Variants in CCDC9 observed in about 807,000 individuals in gnomAD.
CCDC9 encodes coiled-coil domain containing 9, also known as coiled-coil domain-containing protein 9.
Under a neutral mutation model 65.6 loss-of-function variants are expected in CCDC9, and 52 were observed. That is an observed-to-expected ratio of 0.79 (90% CI 0.63 to 1.00). The LOEUF is 1.00. Among genes scored for constraint, CCDC9 ranks in the 50% least tolerant of loss-of-function variants. The probability of loss-of-function intolerance (pLI) is 0.00; values close to 1 mark genes in which losing one functional copy is unlikely to be tolerated. For missense variants in CCDC9, 834 were observed against 757.2 expected (o/e 1.10, Z -1.19); for synonymous variants, 332 against 280.3 (o/e 1.18, Z -1.84).
chr19:47,275,060 C>T (rs2059148828), downstream of CCDC9: 2 of 1,494,744 alleles, frequency 1.3e-6, no homozygotes, highest in African/African-American at 1.5e-5. Context: ...CCGTGCTGCT[C>T]GCCGTGTACT....
At chr19:47,269,012 A>G (rs1193373067) in intron 8 of CCDC9, among the ~76,000 whole-genome samples, 2 of 152,038 alleles carry the variant, frequency 1.3e-5, no homozygotes, top group African/African-American at 4.8e-5. Context: ...TTAGGAGGCC[A>G]AGGCTGGAGG....
downstream of CCDC9, chr19:47,273,981 T>G: frequency 2.0e-6 from 2 of 984,902 alleles, no homozygotes; most frequent in Non-Finnish European, 2.4e-6. Flanking sequence ...CCCGAATTCC[T>G]GAAGACGCTG....
At position 47,271,526 on chromosome 19, in the gene CCDC9, G is replaced by C; in HGVS notation, c.1444G>C (p.Ala482Pro). 6.2e-7 allele frequency: 1 copy of C among 1,612,938 alleles called. No individual in the cohort carries two copies. Among genetic ancestry groups the C allele is most frequent in the Non-Finnish European group, 8.5e-7 (1 of 1,179,850 alleles). Residue 482 changes from alanine to proline, a missense_variant, in exon 12 of 12, where the codon GCC becomes CCC. By Grantham distance (27) the Ala-to-Pro change is conservative. Coordinates refer to ENST00000221922, the MANE Select transcript of CCDC9 (RefSeq NM_015603.3). ...SPEEPLLEPQ[A>P]PGTPSSPFSP... ...GGAGGAGCCCCTGCTGGAGCCCCAGGCCCCTGGCACGCCTTCCAGCCCTTT... is the reference window on the plus strand; with the variant it reads ...GGAGGAGCCCCTGCTGGAGCCCCAGCCCCCTGGCACGCCTTCCAGCCCTTT...
chr19:47,272,143 G>A (rs934945574), downstream of CCDC9: 56 of 1,236,556 alleles, frequency 4.5e-5, no homozygotes, highest in Non-Finnish European at 5.4e-5. Flanking sequence ...TGAAGAGGAA[G>A]GGTCTGAGGC....
intron 2 of CCDC9, 45 bp downstream of exon 2, chr19:47,258,448 G>A: frequency 2.5e-6 from 4 of 1,613,568 alleles, no homozygotes; most frequent in Non-Finnish European, 3.4e-6. Flanking sequence ...TTTTGGGGAA[G>A]GGGGCTTGGG....
chr19:47,270,452 T>C lies in CCDC9; in HGVS notation c.948T>C (p.Tyr316=), dbSNP rs376597834. The C allele has an allele frequency of 2.2e-5, 36 of 1,614,042 alleles. No individual in the cohort carries two copies. The African/African-American group carries it at 4.0e-4, about 18-fold the overall frequency. The change falls in exon 9 of 12, where the codon TAT becomes TAC. Residue 316 remains tyrosine, a splice_region_variant and synonymous_variant. Coordinates refer to ENST00000221922, the MANE Select transcript of CCDC9 (RefSeq NM_015603.3). ...CTGCCCATGAACCATCCCACCGCTA[T>C]GGTGAGTGGGTGCCCTTGGATGAGC... ...PVPAHEPSHR[Y]DDQAWARPPK...
chr19:47,264,716 G>T, intron 6 of CCDC9, 30 bp downstream of exon 6: 1 of 1,601,934 alleles, frequency 6.2e-7, no homozygotes, highest in East Asian at 2.3e-5. Context: ...CCGAGGCAGG[G>T]CCGAGCTGCC....
downstream of CCDC9, chr19:47,274,742 T>C: frequency 5.0e-6 from 1 of 200,502 alleles, no homozygotes; most frequent in Non-Finnish European, 7.4e-6. Context: ...GGGCGGAGGC[T>C]GGAGGGGGTG....
chr19:47,270,625 C>T lies in CCDC9; in HGVS notation c.1022C>T (p.Ala341Val), dbSNP rs1444824028. The change falls in exon 10 of 12, where the codon GCC (alanine) becomes GTC (valine). Residue 341 changes from alanine to valine, a missense_variant. Coordinates refer to ENST00000221922, the MANE Select transcript of CCDC9 (RefSeq NM_015603.3). ...TTCCTGTCCCAGCACAAAGCTGAGG[C>T]CAGCAGCCGCAGAAGGAGAAAGAGC... ...GEFLSQHKAEASSRRRRKSSR... is the reference protein window; with the variant it reads ...GEFLSQHKAEVSSRRRRKSSR... 1 of 1,612,956 alleles carries T rather than the reference C, an allele frequency of 6.2e-7. No homozygotes were observed. Among genetic ancestry groups the T allele is most frequent in the Non-Finnish European group, 8.5e-7 (1 of 1,180,014 alleles).
At chr19:47,275,468 G>A, downstream of CCDC9, 1 of 1,358,832 alleles carries the variant, frequency 7.4e-7, no homozygotes, top group Non-Finnish European at 9.7e-7. Flanking sequence ...AGCGTCTCTG[G>A]AGCCGTCATC....
chr19:47,264,333 G>A (rs1600282539), intron 5 of CCDC9, among the ~76,000 whole-genome samples: 1 of 152,312 alleles, frequency 6.6e-6, no homozygotes, highest in Non-Finnish European at 1.5e-5. Context: ...AGTTTTGAAC[G>A]CAGGCCCCTT....
chr19:47,265,299 C>A (rs1359573228), intron 7 of CCDC9, among the ~76,000 whole-genome samples: 1 of 152,168 alleles, frequency 6.6e-6, no homozygotes, highest in Non-Finnish European at 1.5e-5. Context: ...AAGTGATCCA[C>A]CTGCCTCGGC....
chr19:47,265,067 T>C, intron 7 of CCDC9, 121 bp downstream of exon 7: 1 of 818,480 alleles, frequency 1.2e-6, no homozygotes, highest in Non-Finnish European at 1.7e-6. Context: ...CACAGGACTT[T>C]TTTTTTTTGA....
chr19:47,263,634 C>T (rs928958024), intron 5 of CCDC9, among the ~76,000 whole-genome samples: 5 of 152,184 alleles, frequency 3.3e-5, no homozygotes, highest in Middle Eastern at 3.4e-3. Context: ...GGTATGATTT[C>T]GGCTCACTGC....
downstream of CCDC9, among the ~76,000 whole-genome samples, chr19:47,273,027 G>C (rs1172921519): frequency 6.7e-6 from 1 of 149,932 alleles, no homozygotes; most frequent in Admixed American, 6.7e-5. Context: ...GATGAAGGCC[G>C]TGAGATGGGG....
rs746173971 is a variant in CCDC9, at chr19:47,271,689, CTGTGTGTG to C, written c.*48_*55del. Reference sequence around the variant, plus strand: ...TTTGAGAGTGTATGAAGCTGGCTGCCTGTGTGTGTGTGTGTGTGTGTGTGTGTGTGTGT... The same window carrying C: ...TTTGAGAGTGTATGAAGCTGGCTGCCTGTGTGTGTGTGTGTGTGTGTGTGT... On this transcript the variant is annotated 3_prime_UTR_variant, in exon 12 of 12. Transcript: ENST00000221922. 7.5e-4 allele frequency: 844 copies of C among 1,127,208 alleles called. 3 individuals are homozygous for C. Among genetic ancestry groups the C allele is most frequent in the Admixed American group, 1.2e-3 (57 of 46,516 alleles). 69.8% of individuals were successfully genotyped at this position (1,127,208 alleles called of 1,614,324 possible).
chr19:47,271,781 G>GTTTTGAGAGTGTATGAAGCT lies in CCDC9; in HGVS notation c.*103_*104insTTTTGAGAGTGTATGAAGCT. The GTTTTGAGAGTGTATGAAGCT allele has an allele frequency of 1.4e-6, 2 of 1,463,488 alleles. No homozygotes were observed. Among genetic ancestry groups the GTTTTGAGAGTGTATGAAGCT allele is most frequent in the East Asian group, 2.4e-5 (1 of 41,784 alleles). 90.7% of individuals were successfully genotyped at this position (1,463,488 alleles called of 1,614,324 possible). A position where few individuals can be genotyped will look rare whatever the true frequency, so the allele number is the denominator to read the frequency against. ...CGCGCTAGAGGGGTGTGGCTGGTGGGGGACCCTTGGGGCTGGGCCCTGGGA... is the reference window on the plus strand; with the variant it reads ...CGCGCTAGAGGGGTGTGGCTGGTGGGTTTTGAGAGTGTATGAAGCTGGACCCTTGGGGCTGGGCCCTGGGA... On this transcript the variant is annotated 3_prime_UTR_variant, in exon 12 of 12. Transcript: ENST00000221922.
At chr19:47,271,966 A>G (rs2059127201), downstream of CCDC9, 1 of 1,272,622 alleles carries the variant, frequency 7.9e-7, no homozygotes. Context: ...ACATTCCCCC[A>G]GGTGTGTCCT....
At chr19:47,266,927 C>T in intron 8 of CCDC9, 135 bp downstream of exon 8, 1 of 1,072,362 alleles carries the variant, frequency 9.3e-7, no homozygotes, top group Non-Finnish European at 1.3e-6. Flanking sequence ...TGCCATGGAC[C>T]AGCTGCTGGA....
Sources: allele counts gnomAD v4.1 joint callset (sites outside exome capture counted in the v4.1 genomes callset), GRCh38; gene constraint gnomAD v4.1.1; transcripts MANE v1.5; gene names NCBI Gene and HGNC (gene_info 2026-07-23, HGNC 2026-07-21).